Variants in UQCC2 observed in about 807,000 individuals in gnomAD.
The protein encoded by UQCC2 is breast cancer-associated protein SGA-81M.
Under a neutral mutation model 19.9 loss-of-function variants are expected in UQCC2, and 21 were observed. That is an observed-to-expected ratio of 1.05 (90% confidence interval 0.75 to 1.52). The LOEUF is 1.52. Among genes scored for constraint, UQCC2 ranks in the 40% most tolerant of loss-of-function variants. The pLI is 0.00. For missense variants in UQCC2, 135 were observed against 157.5 expected, an observed-to-expected ratio of 0.86 and a Z score of 0.76; for synonymous variants, 57 against 60.9, an observed-to-expected ratio of 0.94 and a Z score of 0.30.
chr6:33,708,299 G>A (rs1011279318), intron 1 of UQCC2, among the ~76,000 whole-genome samples: 9 of 152,202 alleles, frequency 5.9e-5, no homozygotes, highest in Non-Finnish European at 1.2e-4. Flanking sequence ...CTGAGGAAAG[G>A]CCAGGCACCC....
intron 1 of UQCC2, among the ~76,000 whole-genome samples, chr6:33,704,827 T>C (rs1418640747): frequency 1.3e-5 from 2 of 152,184 alleles, no homozygotes; most frequent in Non-Finnish European, 2.9e-5. Flanking sequence ...ACCAGTAGGT[T>C]GCTCAGCAAC....
intron 1 of UQCC2, among the ~76,000 whole-genome samples, chr6:33,708,452 T>G (rs907732087): frequency 2.0e-5 from 3 of 152,104 alleles, no homozygotes; most frequent in African/African-American, 7.2e-5. Flanking sequence ...TGGCTACCAC[T>G]CAGCTGTACT....
intron 1 of UQCC2, 81 bp from the exon 2 acceptor site, chr6:33,701,501 C>T: frequency 7.2e-7 from 1 of 1,393,172 alleles, no homozygotes; most frequent in Non-Finnish European, 9.9e-7. Context: ...AAAGACCATA[C>T]TTAATAAAGC....
intron 1 of UQCC2, 112 bp from the exon 2 acceptor site, chr6:33,701,532 C>A: frequency 2.9e-6 from 3 of 1,017,496 alleles, no homozygotes; most frequent in Non-Finnish European, 4.3e-6. Flanking sequence ...AGCAGGCCTG[C>A]AGCTAGCACT....
chr6:33,704,600 GACCTTCCCGTCCTGCCACCATCCCCACC>G (rs1436048861), intron 1 of UQCC2, among the ~76,000 whole-genome samples: 3 of 152,086 alleles, frequency 2.0e-5, no homozygotes, highest in Non-Finnish European at 4.4e-5. Context: ...CGCTTATCTG[GACCTTCCCGTCCTGCCACCATCCCCACC>G]ACCTTCCCAA....
chr6:33,701,231 A>C, intron 2 of UQCC2, 115 bp downstream of exon 2: 1 of 1,144,790 alleles, frequency 8.7e-7, no homozygotes, highest in Non-Finnish European at 1.2e-6. Flanking sequence ...TACTGGTTTC[A>C]TTTGAACGCA....
chr6:33,698,923 C>T (rs952374108), intron 3 of UQCC2, among the ~76,000 whole-genome samples: 6 of 152,086 alleles, frequency 3.9e-5, no homozygotes, highest in African/African-American at 1.5e-4. Context: ...TTTTGCTTTA[C>T]CAGCCTAAAT....
At chr6:33,697,841 T>A in intron 3 of UQCC2, 91 bp from the exon 4 acceptor site, 1 of 1,019,212 alleles carries the variant, frequency 9.8e-7, no homozygotes, top group Non-Finnish European at 1.5e-6. Context: ...GACACAAGCA[T>A]GGCTTGCTTT....
Position 33,704,381 on chromosome 6 carries a change from G to A in UQCC2, c.139-2961C>T, listed in dbSNP as rs141310628. 5.7e-3 allele frequency among the ~76,000 whole-genome samples: 873 copies of A among 152,348 alleles called. 14 individuals carry two copies. The highest frequency in any genetic ancestry group is 0.02 in the African/African-American group (818 of 41,572). ...CCAGGCACAGGACCAGGTGGAGCCCGTGCCCAGGGAATGGGTCAGCATGTT... is the reference window on the plus strand; with the variant it reads ...CCAGGCACAGGACCAGGTGGAGCCCATGCCCAGGGAATGGGTCAGCATGTT... On this transcript the variant is annotated intron_variant, in intron 1 of 3. Coordinates refer to ENST00000607484, the MANE Select transcript of UQCC2 (RefSeq NM_032340.4).
chr6:33,699,097 G>C (rs1247523786), intron 3 of UQCC2, among the ~76,000 whole-genome samples: 3 of 152,098 alleles, frequency 2.0e-5, no homozygotes, highest in Admixed American at 6.6e-5. Flanking sequence ...CCCAATCCCA[G>C]GGTGGACACA....
chr6:33,704,873 T>C (rs191557414), intron 1 of UQCC2, among the ~76,000 whole-genome samples: 328 of 152,238 alleles, frequency 2.2e-3, no homozygotes, highest in African/African-American at 5.2e-3. Context: ...TGGTATAAGG[T>C]GCTGTCCTTC....
At chr6:33,702,273 G>A (rs746966308) in intron 1 of UQCC2, among the ~76,000 whole-genome samples, 6 of 151,868 alleles carry the variant, frequency 4.0e-5, no homozygotes, top group Non-Finnish European at 7.4e-5. Flanking sequence ...CTCCCAGAGT[G>A]TTGGGGTTAC....
intron 1 of UQCC2, 78 bp downstream of exon 1, chr6:33,711,471 C>G: frequency 6.7e-7 from 1 of 1,502,230 alleles, no homozygotes; most frequent in Non-Finnish European, 8.9e-7. Context: ...GCGCAGATCC[C>G]CCTGCTAGCG....
In UQCC2 at chr6:33,697,676, G is replaced by A; in HGVS notation, c.358C>T (p.Pro120Ser). ...KLQEKFAPKG[P>S]EEDHKA is the part of the protein sequence containing the mutation. ...GCTCAGGCCTTATGATCCTCCTCAG[G>A]ACCCTTGGGGGCAAACTTCTCCTGC... The change falls in exon 4 of 4, where the codon CCT (proline) becomes TCT (serine). Residue 120 changes from proline to serine, a missense_variant. Transcript: ENST00000607484. 1.2e-6 allele frequency: 2 copies of A among 1,613,856 alleles called. No homozygotes were observed. The highest frequency in any genetic ancestry group is 8.5e-7 in the Non-Finnish European group (1 of 1,179,988).
intron 1 of UQCC2, among the ~76,000 whole-genome samples, chr6:33,702,553 G>A (rs541081753): frequency 6.6e-6 from 1 of 152,308 alleles, no homozygotes; most frequent in South Asian, 2.1e-4. Context: ...TCAATTCTCT[G>A]GTGCCAGAGA....
intron 1 of UQCC2, among the ~76,000 whole-genome samples, chr6:33,708,323 C>G (rs1283588524): frequency 6.6e-6 from 1 of 152,228 alleles, no homozygotes; most frequent in African/African-American, 2.4e-5. Flanking sequence ...AGACGATGCA[C>G]ACTAGGGCCA....
At position 33,697,598 on chromosome 6, in the gene UQCC2, GA is replaced by G; in HGVS notation, c.*54del. Reference sequence around the variant, plus strand: ...GGGAAACTGGGGCAGTTTTATTGACGATGGCAATGTACAAGACTCCACACCT... The same window carrying G: ...GGGAAACTGGGGCAGTTTTATTGACGTGGCAATGTACAAGACTCCACACCT... On this transcript the variant is annotated 3_prime_UTR_variant, in exon 4 of 4. Coordinates refer to ENST00000607484, the MANE Select transcript of UQCC2 (RefSeq NM_032340.4). 1 of 1,369,716 alleles carries G rather than the reference GA, an allele frequency of 7.3e-7. No individual in the cohort carries two copies. Among genetic ancestry groups the G allele is most frequent in the South Asian group, 1.3e-5 (1 of 77,098 alleles). 84.8% of individuals were successfully genotyped at this position (1,369,716 alleles called of 1,614,324 possible).
chr6:33,711,409 G>A (rs754681373), intron 1 of UQCC2, 140 bp downstream of exon 1: 25 of 1,258,226 alleles, frequency 2.0e-5, no homozygotes, highest in Non-Finnish European at 2.4e-5. Flanking sequence ...AGCTCCCTGG[G>A]GGAAAAAGGG....
chr6:33,704,440 G>A (rs1213184059), intron 1 of UQCC2, among the ~76,000 whole-genome samples: 3 of 152,174 alleles, frequency 2.0e-5, no homozygotes, highest in Non-Finnish European at 2.9e-5. Flanking sequence ...GTGCACTGCC[G>A]AGGGTGGCGC....
Sources: allele counts gnomAD v4.1 joint callset (sites outside exome capture counted in the v4.1 genomes callset), GRCh38; gene constraint gnomAD v4.1.1; transcripts MANE v1.5; gene names NCBI Gene and HGNC (gene_info 2026-07-23, HGNC 2026-07-21).